The following ARHGAP24 variants were observed in gnomAD, a reference collection of about 807,000 sequenced individuals.
ARHGAP24 encodes the protein rho GTPase-activating protein 24.
Under a neutral mutation model 76.4 loss-of-function variants are expected in ARHGAP24, and 50 were observed. The observed-to-expected ratio is 0.65, with a 90% confidence interval of 0.52 to 0.83. ARHGAP24 has a LOEUF of 0.83. Among genes scored for constraint, ARHGAP24 ranks in the 40% least tolerant of loss-of-function variants. The pLI, the probability that ARHGAP24 is intolerant of heterozygous loss-of-function variation, is 0.00. For synonymous variants in ARHGAP24, 345 were observed against 323.3 expected, an observed-to-expected ratio of 1.07 and a Z score of -0.72; for missense variants, 930 against 914.2, an observed-to-expected ratio of 1.02 and a Z score of -0.22.
At chr4:85,905,616 G>T (rs541294802) in intron 3 of ARHGAP24, among the ~76,000 whole-genome samples, 1 of 152,280 alleles carries the variant, frequency 6.6e-6, no homozygotes, top group African/African-American at 2.4e-5. Flanking sequence ...TGTGGAAAGA[G>T]AATTCCCTTG....
intron 2 of ARHGAP24, among the ~76,000 whole-genome samples, chr4:85,698,049 G>A (rs960167102): frequency 2.0e-5 from 3 of 152,156 alleles, no homozygotes; most frequent in Non-Finnish European, 4.4e-5. Flanking sequence ...AGGGGAGTGT[G>A]GGAGAGGAAG....
chr4:85,994,494 C>T, intron 8 of ARHGAP24, 89 bp from the exon 9 acceptor site: 1 of 1,244,136 alleles, frequency 8.0e-7, no homozygotes, highest in Non-Finnish European at 1.2e-6. Context: ...TGAATGTTCT[C>T]TTGAATGTGT....
chr4:85,549,595 A>G (rs941698440), intron 1 of ARHGAP24, among the ~76,000 whole-genome samples: 2 of 151,972 alleles, frequency 1.3e-5, no homozygotes, highest in African/African-American at 4.8e-5. Flanking sequence ...GCTTGCCTAT[A>G]CACTGTTTTT....
In ARHGAP24 at chr4:85,627,854, G is replaced by A. The variant is rs529081873; in HGVS notation, c.180+57133G>A. 4.6e-5 allele frequency among the ~76,000 whole-genome samples: 7 copies of A among 152,312 alleles called. No homozygotes were observed. The East Asian group carries it at 7.7e-4, about 17-fold the overall frequency. On this transcript the variant is annotated intron_variant, in intron 2 of 9. Coordinates refer to ENST00000395184, the MANE Select transcript of ARHGAP24 (RefSeq NM_001025616.3). ...CTGTGCTAGCAATGAGTGAGACTCCGTGGGCGTAGGACCCTCCGAGCCAGG... is the reference window on the plus strand; with the variant it reads ...CTGTGCTAGCAATGAGTGAGACTCCATGGGCGTAGGACCCTCCGAGCCAGG...
At chr4:85,514,811 A>G (rs1244708633) in intron 1 of ARHGAP24, among the ~76,000 whole-genome samples, 1 of 74,024 alleles carries the variant, frequency 1.4e-5, no homozygotes, top group African/African-American at 5.0e-5. Context: ...AAATTACTCT[A>G]AATTGTAAAA....
At chr4:85,508,912 T>C (rs1308257284) in intron 1 of ARHGAP24, among the ~76,000 whole-genome samples, 3 of 152,038 alleles carry the variant, frequency 2.0e-5, no homozygotes, top group Non-Finnish European at 4.4e-5. Flanking sequence ...TGACATTTCC[T>C]CCTCTCTCCC....
At chr4:85,558,994 T>C (rs1231674455) in intron 1 of ARHGAP24, among the ~76,000 whole-genome samples, 1 of 141,168 alleles carries the variant, frequency 7.1e-6, no homozygotes, top group Non-Finnish European at 1.6e-5. Flanking sequence ...AAAGTAGTGT[T>C]TCAGGAAAGC....
At chr4:85,747,740 G>C (rs1726104026) in intron 3 of ARHGAP24, among the ~76,000 whole-genome samples, 1 of 150,086 alleles carries the variant, frequency 6.7e-6, no homozygotes, top group Non-Finnish European at 1.5e-5. Context: ...AGCAAAAGCT[G>C]AAAATTGAAT....
intron 3 of ARHGAP24, among the ~76,000 whole-genome samples, chr4:85,873,858 G>A (rs1381311306): frequency 6.6e-6 from 1 of 152,116 alleles, no homozygotes; most frequent in Non-Finnish European, 1.5e-5. Flanking sequence ...ATTTTTGATT[G>A]TGCTACCTCT....
At chr4:85,664,872 G>A (rs1278952318) in intron 2 of ARHGAP24, among the ~76,000 whole-genome samples, 2 of 152,178 alleles carry the variant, frequency 1.3e-5, no homozygotes, top group Non-Finnish European at 2.9e-5. Context: ...ACTGTGGTCT[G>A]AGAGACAGTT....
chr4:85,992,241 A>C, intron 8 of ARHGAP24: 1 of 396,666 alleles, frequency 2.5e-6, no homozygotes, highest in Non-Finnish European at 4.5e-6. Context: ...ATTACTGCCG[A>C]GCTAGTCTGT....
chr4:85,739,485 C>T (rs1183733124), intron 3 of ARHGAP24, among the ~76,000 whole-genome samples: 2 of 152,188 alleles, frequency 1.3e-5, no homozygotes, highest in African/African-American at 2.4e-5. Context: ...GATTTCTGCA[C>T]TTAATCCTTC....
At chr4:85,751,007 A>G (rs1726241392) in intron 3 of ARHGAP24, among the ~76,000 whole-genome samples, 1 of 152,256 alleles carries the variant, frequency 6.6e-6, no homozygotes, top group Admixed American at 6.5e-5. Flanking sequence ...CCACAAAAGA[A>G]TACACATAAA....
At chr4:85,584,506 G>A (rs1727761839) in intron 2 of ARHGAP24, among the ~76,000 whole-genome samples, 1 of 151,510 alleles carries the variant, frequency 6.6e-6, no homozygotes, top group South Asian at 2.1e-4. Context: ...ACGAGTTAAT[G>A]GGTGCAGCAC....
intron 3 of ARHGAP24, among the ~76,000 whole-genome samples, chr4:85,762,878 T>C (rs1726784292): frequency 1.3e-5 from 2 of 152,214 alleles, no homozygotes; most frequent in South Asian, 4.1e-4. Context: ...CTATTTTCTT[T>C]CTTTTAACAA....
intron 3 of ARHGAP24, among the ~76,000 whole-genome samples, chr4:85,826,452 G>T (rs1364452454): frequency 6.6e-6 from 1 of 152,170 alleles, no homozygotes; most frequent in African/African-American, 2.4e-5. Flanking sequence ...CTCTGGCCAT[G>T]TGGTGGCTGC....
intron 5 of ARHGAP24, among the ~76,000 whole-genome samples, chr4:85,969,010 C>T (rs376742540): frequency 7.2e-5 from 11 of 152,070 alleles, no homozygotes; most frequent in East Asian, 5.8e-4. Flanking sequence ...AAATAATCAT[C>T]CCACTCCACC....
chr4:85,871,591 A>G (rs117820324), intron 3 of ARHGAP24, among the ~76,000 whole-genome samples: 1 of 152,196 alleles, frequency 6.6e-6, no homozygotes, highest in African/African-American at 2.4e-5. Flanking sequence ...CCAAAATGCC[A>G]CAGCCACTCC....
At chr4:85,641,790 G>T (rs376077697) in intron 2 of ARHGAP24, among the ~76,000 whole-genome samples, 1 of 152,150 alleles carries the variant, frequency 6.6e-6, no homozygotes, top group African/African-American at 2.4e-5. Context: ...GGGGGAAAGG[G>T]TATGAAGCTT....
Sources: gnomAD v4.1 joint callset for allele counts (sites outside exome capture counted in the v4.1 genomes callset) on GRCh38, gnomAD v4.1.1 for gene constraint, MANE v1.5 for transcripts, NCBI Gene and HGNC (gene_info 2026-07-23, HGNC 2026-07-21) for gene names.